Variants in FRMD4A observed in about 807,000 individuals in gnomAD.
FRMD4A encodes FERM domain-containing protein 4A.
In FRMD4A, 29 loss-of-function variants were observed where a neutral mutation model predicts 129.1. That is an observed-to-expected ratio of 0.22 (90% confidence interval 0.17 to 0.31). FRMD4A has a LOEUF of 0.31. FRMD4A is among the 10% of genes least tolerant of loss of function. The pLI, the probability that FRMD4A is intolerant of heterozygous loss-of-function variation, is 1.00. For synonymous variants in FRMD4A, 634 were observed against 571.6 expected, an observed-to-expected ratio of 1.11 and a Z score of -1.56; for missense variants, 1,272 against 1,375.8, an observed-to-expected ratio of 0.92 and a Z score of 1.19.
At chr10:13,994,175 ATTTTT>A (rs549621959) in intron 2 of FRMD4A, among the ~76,000 whole-genome samples, 23 of 101,962 alleles carry the variant, frequency 2.3e-4, no homozygotes, top group East Asian at 1.0e-3. Flanking sequence ...CGCCCAGCTA[ATTTTT>A]TTTTTTTTTT....
At chr10:13,707,597 G>A (rs1327460267) in intron 12 of FRMD4A, 1 of 988,584 alleles carries the variant, frequency 1.0e-6, no homozygotes, top group African/African-American at 1.7e-5. Flanking sequence ...GCTGAAATGG[G>A]AAGGCGTTCA....
intron 9 of FRMD4A, among the ~76,000 whole-genome samples, chr10:13,747,175 T>TAAA (rs55979611): frequency 3.1e-4 from 46 of 147,622 alleles, no homozygotes; most frequent in African/African-American, 4.2e-4. Context: ...TTTTGAAAAT[T>TAAA]AAAAAAAAAA....
chr10:14,294,117 C>G (rs987351637), intron 2 of FRMD4A, among the ~76,000 whole-genome samples: 1 of 152,150 alleles, frequency 6.6e-6, no homozygotes, highest in Admixed American at 6.5e-5. Flanking sequence ...CAAGCAGGGG[C>G]ACCCAGGGGA....
chr10:14,033,393 G>A lies in FRMD4A; in HGVS notation c.46-174481C>T, dbSNP rs150118509. Among the ~76,000 whole-genome samples the A allele has an allele frequency of 2.5e-3, 377 of 152,238 alleles. 2 individuals are homozygous for A. The highest frequency in any genetic ancestry group is 8.5e-3 in the African/African-American group (354 of 41,542). ...AATACATGCTTATTGGTGGAGTGTG[G>A]GCTTCTAGTGTGACCATCACCCAAA... On this transcript the variant is annotated intron_variant, in intron 2 of 24. Coordinates refer to ENST00000357447, the MANE Select transcript of FRMD4A (RefSeq NM_018027.5).
At chr10:13,714,948 A>G (rs977390015) in intron 12 of FRMD4A, among the ~76,000 whole-genome samples, 1 of 152,160 alleles carries the variant, frequency 6.6e-6, no homozygotes, top group Admixed American at 6.5e-5. Flanking sequence ...CTGAGGCAAG[A>G]GAATCACTTG....
chr10:14,098,504 C>G (rs910323828), intron 2 of FRMD4A, among the ~76,000 whole-genome samples: 1 of 151,966 alleles, frequency 6.6e-6, no homozygotes, highest in Non-Finnish European at 1.5e-5. Context: ...CCCGGGTTCA[C>G]GCCATTCTCC....
chr10:13,807,565 AT>A (rs11302751), intron 4 of FRMD4A, among the ~76,000 whole-genome samples: 65,044 of 152,038 alleles, frequency 0.43, 14,308 homozygotes, highest in East Asian at 0.52. Flanking sequence ...ATTGCTAACA[AT>A]ATTAAACATT....
intron 6 of FRMD4A, among the ~76,000 whole-genome samples, chr10:13,771,665 A>G (rs996837283): frequency 4.6e-5 from 7 of 152,236 alleles, no homozygotes. Flanking sequence ...TCCAGCCTAA[A>G]GAAGCATATT....
intron 2 of FRMD4A, among the ~76,000 whole-genome samples, chr10:14,170,232 G>T (rs1049157077): frequency 6.6e-6 from 1 of 152,142 alleles, no homozygotes; most frequent in Non-Finnish European, 1.5e-5. Context: ...AATATAGCAT[G>T]ATCAGGAAAG....
chr10:13,930,901 C>T (rs998618286), intron 2 of FRMD4A, among the ~76,000 whole-genome samples: 3 of 152,104 alleles, frequency 2.0e-5, no homozygotes, highest in Non-Finnish European at 4.4e-5. Flanking sequence ...GGTGCCATCA[C>T]AGCTTACTGC....
chr10:14,096,142 G>A (rs1207950579), intron 2 of FRMD4A, among the ~76,000 whole-genome samples: 3 of 152,162 alleles, frequency 2.0e-5, no homozygotes, highest in Admixed American at 6.5e-5. Flanking sequence ...GACTTTCGGG[G>A]CTGATTAGAT....
intron 2 of FRMD4A, among the ~76,000 whole-genome samples, chr10:14,262,359 T>C (rs1844835028): frequency 6.6e-6 from 1 of 152,208 alleles, no homozygotes; most frequent in Non-Finnish European, 1.5e-5. Context: ...CGATGCCAAC[T>C]TCATGAGGTT....
At chr10:13,926,305 C>T (rs2095133133) in intron 2 of FRMD4A, among the ~76,000 whole-genome samples, 1 of 152,124 alleles carries the variant, frequency 6.6e-6, no homozygotes, top group Non-Finnish European at 1.5e-5. Context: ...CCAGACTGGT[C>T]CAGATAGTTG....
At chr10:14,062,076 T>C (rs1001400791) in intron 2 of FRMD4A, among the ~76,000 whole-genome samples, 3 of 152,186 alleles carry the variant, frequency 2.0e-5, no homozygotes, top group African/African-American at 7.2e-5. Context: ...AAGGAAATAT[T>C]CAGACAAGTA....
chr10:13,955,666 G>A (rs952431864), intron 2 of FRMD4A, among the ~76,000 whole-genome samples: 2 of 152,186 alleles, frequency 1.3e-5, no homozygotes, highest in Non-Finnish European at 2.9e-5. Flanking sequence ...CAGAAGTGGC[G>A]CCTGATGGCA....
chr10:13,684,544 A>G (rs2084905710), intron 15 of FRMD4A: 1 of 985,552 alleles, frequency 1.0e-6, no homozygotes, highest in Non-Finnish European at 1.2e-6. Flanking sequence ...CCCGGCCGGC[A>G]GACACATGGA....
chr10:14,181,011 T>C (rs1342238773), intron 2 of FRMD4A, among the ~76,000 whole-genome samples: 1 of 152,260 alleles, frequency 6.6e-6, no homozygotes, highest in East Asian at 1.9e-4. Flanking sequence ...TTTTAGACTC[T>C]GCCCCATTTT....
At chr10:13,740,718 G>C (rs1049938246) in intron 9 of FRMD4A, 141 bp from the exon 10 acceptor site, 1 of 579,182 alleles carries the variant, frequency 1.7e-6, no homozygotes. Context: ...TTGTCCTGGA[G>C]TGGTATTTCC....
chr10:13,771,172 T>C (rs1341553869), intron 6 of FRMD4A, among the ~76,000 whole-genome samples: 2 of 152,166 alleles, frequency 1.3e-5, no homozygotes, highest in Admixed American at 6.6e-5. Flanking sequence ...ACTTGTGGGC[T>C]CAAGTGATCC....
Sources: allele counts gnomAD v4.1 joint callset (sites outside exome capture counted in the v4.1 genomes callset), GRCh38; gene constraint gnomAD v4.1.1; transcripts MANE v1.5; gene names NCBI Gene and HGNC (gene_info 2026-07-23, HGNC 2026-07-21).